The following LRRIQ3 variants were observed in gnomAD, a reference collection of about 807,000 sequenced individuals.
The protein encoded by LRRIQ3 is leucine-rich repeat and IQ domain-containing protein 3.
A neutral mutation model predicts 59.3 loss-of-function variants in LRRIQ3; 75 were observed. The ratio of observed to expected loss-of-function variants is 1.26; its 90% CI spans 1.05 to 1.53. The LOEUF is 1.53. Ranked by LOEUF, LRRIQ3 falls within the 40% of genes most tolerant of loss-of-function variation. LRRIQ3 has a pLI of 0.00. For missense variants in LRRIQ3, 831 were observed against 710.0 expected (o/e 1.17, Z -1.94); for synonymous variants, 250 against 231.3 (o/e 1.08, Z -0.73).
chr1:74,120,250 T>A (rs1646834559), intron 4 of LRRIQ3, among the ~76,000 whole-genome samples: 1 of 151,854 alleles, frequency 6.6e-6, no homozygotes, highest in South Asian at 2.1e-4. Flanking sequence ...CCTGAGTAGC[T>A]GGAATTACAG....
chr1:74,143,435 A>C (rs1181964970), intron 4 of LRRIQ3, among the ~76,000 whole-genome samples: 1 of 152,000 alleles, frequency 6.6e-6, no homozygotes, highest in Non-Finnish European at 1.5e-5. Context: ...TTGTCGTAAC[A>C]GATGGTCAAC....
chr1:74,128,228 T>C (rs1469050664), intron 4 of LRRIQ3, among the ~76,000 whole-genome samples: 1 of 152,078 alleles, frequency 6.6e-6, no homozygotes, highest in Non-Finnish European at 1.5e-5. Context: ...TGGTGTACAA[T>C]AGCTTTCTTG....
chr1:74,188,247 A>C (rs1251947115), intron 1 of LRRIQ3, among the ~76,000 whole-genome samples: 1 of 152,118 alleles, frequency 6.6e-6, no homozygotes, highest in South Asian at 2.1e-4. Flanking sequence ...AAGGGGAACA[A>C]CACACTGGGG....
intron 3 of LRRIQ3, among the ~76,000 whole-genome samples, chr1:74,159,133 C>T (rs1001403876): frequency 6.6e-6 from 1 of 152,076 alleles, no homozygotes; most frequent in Non-Finnish European, 1.5e-5. Context: ...TTTGCCTAAC[C>T]ATTATGACTT....
intron 4 of LRRIQ3, among the ~76,000 whole-genome samples, chr1:74,112,180 T>C (rs940546423): frequency 6.6e-6 from 1 of 152,178 alleles, no homozygotes; most frequent in African/African-American, 2.4e-5. Context: ...CTCCTCCTTC[T>C]GATCTAGGAC....
chr1:74,145,398 C>T (rs922296616), intron 4 of LRRIQ3, among the ~76,000 whole-genome samples: 1 of 152,154 alleles, frequency 6.6e-6, no homozygotes, highest in African/African-American at 2.4e-5. Context: ...AAGCCAGTTA[C>T]TCTGTCTTCC....
intron 6 of LRRIQ3, among the ~76,000 whole-genome samples, chr1:74,044,275 C>A (rs964769574): frequency 6.6e-6 from 1 of 152,042 alleles, no homozygotes; most frequent in Non-Finnish European, 1.5e-5. Flanking sequence ...GAAATGCAAT[C>A]CCCAATGTTG....
At chr1:74,116,629 T>C (rs991095382) in intron 4 of LRRIQ3, among the ~76,000 whole-genome samples, 1 of 152,076 alleles carries the variant, frequency 6.6e-6, no homozygotes, top group Non-Finnish European at 1.5e-5. Context: ...ATTACCTGGG[T>C]TCAGTAGAAA....
chr1:74,042,802 T>C (rs1654086792), intron 6 of LRRIQ3, among the ~76,000 whole-genome samples: 1 of 152,114 alleles, frequency 6.6e-6, no homozygotes, highest in African/African-American at 2.4e-5. Context: ...GGCTAAGTCC[T>C]TTTTAATAGA....
intron 4 of LRRIQ3, among the ~76,000 whole-genome samples, chr1:74,131,149 C>G (rs547010083): frequency 7.9e-4 from 121 of 152,208 alleles, no homozygotes; most frequent in South Asian, 2.3e-3. Context: ...TTCCTGGACA[C>G]ATACACCCTC....
chr1:74,156,211 C>G (rs1317736395), intron 3 of LRRIQ3, among the ~76,000 whole-genome samples: 1 of 152,070 alleles, frequency 6.6e-6, no homozygotes, highest in South Asian at 2.1e-4. Flanking sequence ...GTCTCCTGCT[C>G]CCTCTCTCAC....
rs764577654 is a variant in LRRIQ3, at chr1:74,041,787, G to A, written c.1144C>T (p.Pro382Ser). Residue 382 changes from proline (P) to serine (S), a missense_variant, in exon 7 of 8, where the codon CCT becomes TCT. By Grantham distance (74) the Pro-to-Ser change is moderately conservative. Transcript: ENST00000354431. ...EKKQHFFPAY[P>S]QPIYTTHPKP... ...GGATGAGTAGTATAGATTGGCTGAGGATATGCAGGAAAAAAATGTTGTTTT... is the reference window on the plus strand; with the variant it reads ...GGATGAGTAGTATAGATTGGCTGAGAATATGCAGGAAAAAAATGTTGTTTT... 3.1e-6 allele frequency: 5 copies of A among 1,613,378 alleles called. No individual in the cohort carries two copies. The highest frequency in any genetic ancestry group is 2.2e-5 in the East Asian group (1 of 44,826).
intron 5 of LRRIQ3, among the ~76,000 whole-genome samples, chr1:74,103,092 ACTT>A (rs1646558142): frequency 6.6e-6 from 1 of 151,054 alleles, no homozygotes; most frequent in Non-Finnish European, 1.5e-5. Context: ...AAAAACCACT[ACTT>A]CTCAGAATTC....
At chr1:74,115,985 T>G (rs1226304551) in intron 4 of LRRIQ3, among the ~76,000 whole-genome samples, 5 of 151,966 alleles carry the variant, frequency 3.3e-5, no homozygotes, top group Non-Finnish European at 7.4e-5. Flanking sequence ...TACAAAGAAC[T>G]AAAACAATAT....
intron 4 of LRRIQ3, among the ~76,000 whole-genome samples, chr1:74,121,848 C>G (rs1417369475): frequency 6.6e-6 from 1 of 150,960 alleles, no homozygotes; most frequent in Admixed American, 6.6e-5. Flanking sequence ...GTTTTTTGTC[C>G]TTGCGACAGT....
rs753443233 is a variant in LRRIQ3 at position 74,041,513 on chromosome 1, T to C, written c.1418A>G (p.Glu473Gly). ...GTTCTGAATTGTCTCTTTATTTTCT[T>C]CAATTAGTTTTTGTGTAGCATATTT... ...QKKYATQKLI[E>G]ENKETIQNSL... The change falls in exon 7 of 8, where the codon GAA becomes GGA. Residue 473 changes from glutamate (E) to glycine (G), a missense_variant. Physicochemically the swap from Glu to Gly is moderately conservative, Grantham distance 98 (BLOSUM62 -2). Transcript: ENST00000354431. 4.4e-5 allele frequency: 71 copies of C among 1,611,460 alleles called. No homozygotes were observed. Among genetic ancestry groups the C allele is most frequent in the Admixed American group, 3.0e-4 (18 of 59,560 alleles).
chr1:74,098,493 A>T (rs1269889403), intron 5 of LRRIQ3, among the ~76,000 whole-genome samples: 1 of 152,180 alleles, frequency 6.6e-6, no homozygotes, highest in Non-Finnish European at 1.5e-5. Flanking sequence ...TAGGCAGATC[A>T]ACGAGACAGA....
rs896770262 is a variant in LRRIQ3, at chr1:74,026,168, C to T, written c.*645G>A. Reference sequence around the variant, plus strand: ...TCTTGCTTCTCTCCTCTGTCTTTTCCCTGTCTTCACATGTATACCAAACAG... The same window carrying T: ...TCTTGCTTCTCTCCTCTGTCTTTTCTCTGTCTTCACATGTATACCAAACAG... On this transcript the variant is annotated 3_prime_UTR_variant, in exon 8 of 8. Transcript: ENST00000354431. 2 of 151,588 alleles carry T rather than the reference C, an allele frequency of 1.3e-5. No individual in the cohort carries two copies. Among genetic ancestry groups the T allele is most frequent in the Non-Finnish European group, 2.9e-5 (2 of 67,848 alleles). 9.4% of individuals were successfully genotyped at this position (151,588 alleles called of 1,614,324 possible). A position where few individuals can be genotyped will look rare whatever the true frequency, so the allele number is the denominator to read the frequency against.
At chr1:74,027,566 G>A (rs1431501683) in intron 7 of LRRIQ3, among the ~76,000 whole-genome samples, 1 of 152,040 alleles carries the variant, frequency 6.6e-6, no homozygotes, top group East Asian at 1.9e-4. Flanking sequence ...CACACCTGCT[G>A]ACACTTTGTT....
Sources: gnomAD v4.1 joint callset for allele counts (sites outside exome capture counted in the v4.1 genomes callset) on GRCh38, gnomAD v4.1.1 for gene constraint, MANE v1.5 for transcripts, NCBI Gene and HGNC (gene_info 2026-07-23, HGNC 2026-07-21) for gene names.